GABRB3: variants seen among roughly 807,000 people sequenced by gnomAD.
GABRB3 encodes gamma-aminobutyric acid receptor subunit beta-3.
Under a neutral mutation model 52.1 loss-of-function variants are expected in GABRB3, and 14 were observed. That is an observed-to-expected ratio of 0.27 (90% confidence interval 0.18 to 0.42). The LOEUF (loss-of-function observed/expected upper bound fraction) is 0.42. Ranked by LOEUF, GABRB3 falls within the 10% of genes least tolerant of loss-of-function variation. The pLI, the probability that GABRB3 is intolerant of heterozygous loss-of-function variation, is 1.00. For missense variants in GABRB3, 307 were observed against 609.1 expected, an observed-to-expected ratio of 0.50 and a Z score of 5.22; for synonymous variants, 260 against 232.3, an observed-to-expected ratio of 1.12 and a Z score of -1.08.
chr15:26,625,910 C>T (rs1250936478), intron 3 of GABRB3, among the ~76,000 whole-genome samples: 1 of 152,156 alleles, frequency 6.6e-6, no homozygotes, highest in Non-Finnish European at 1.5e-5. Context: ...TTGCCAGACC[C>T]CCAGGCTGCA....
At chr15:26,650,803 AC>A (rs984985692) in intron 3 of GABRB3, among the ~76,000 whole-genome samples, 1 of 151,934 alleles carries the variant, frequency 6.6e-6, no homozygotes, top group Non-Finnish European at 1.5e-5. Flanking sequence ...GCCTATAAAG[AC>A]CCCAGACTCA....
chr15:26,573,332 T>C (rs1403625088), intron 6 of GABRB3, among the ~76,000 whole-genome samples: 1 of 152,172 alleles, frequency 6.6e-6, no homozygotes, highest in African/African-American at 2.4e-5. Flanking sequence ...GTCATCTTAT[T>C]ATGTGTTGAA....
chr15:26,548,258 A>G lies in GABRB3; in HGVS notation c.1081-124T>C, dbSNP rs1595429206. Reference sequence around the variant, plus strand: ...TTTTACGAGAAACTGTACATCTGTCAAATCCAGCACTCCGTTTTATTGGAA... The same window carrying G: ...TTTTACGAGAAACTGTACATCTGTCGAATCCAGCACTCCGTTTTATTGGAA... On this transcript the variant is annotated intron_variant, in intron 8 of 8. Transcript: ENST00000311550. The G allele has an allele frequency of 1.4e-5, 11 of 807,116 alleles. No homozygotes were observed. The East Asian group carries it at 2.5e-4, about 18-fold the overall frequency. The allele number at this position is 807,116 out of a possible 1,614,324, so 50.0% of individuals were successfully genotyped here.
chr15:26,772,563 C>T, intron 2 of GABRB3, 94 bp from the exon 3 acceptor site: 2 of 1,451,302 alleles, frequency 1.4e-6, no homozygotes, highest in East Asian at 2.6e-5. Flanking sequence ...GGGGCGCGGG[C>T]GAAGGGCCCC....
At chr15:26,713,497 A>G (rs1348851106) in intron 3 of GABRB3, among the ~76,000 whole-genome samples, 1 of 152,052 alleles carries the variant, frequency 6.6e-6, no homozygotes, top group Admixed American at 6.5e-5. Flanking sequence ...TGGGTTCAGG[A>G]GTAAGGAGAG....
chr15:26,716,036 G>C (rs1039609568), intron 3 of GABRB3, among the ~76,000 whole-genome samples: 1 of 152,192 alleles, frequency 6.6e-6, no homozygotes, highest in African/African-American at 2.4e-5. Flanking sequence ...GAGCCATGCA[G>C]GAATTCCCCA....
At chr15:26,629,663 C>G (rs965666477) in intron 3 of GABRB3, among the ~76,000 whole-genome samples, 14 of 152,262 alleles carry the variant, frequency 9.2e-5, no homozygotes, top group African/African-American at 3.1e-4. Flanking sequence ...CACTCCACTT[C>G]TCACATCACC....
intron 3 of GABRB3, chr15:26,624,100 G>C (rs551531941): frequency 1.5e-6 from 1 of 669,780 alleles, no homozygotes; most frequent in South Asian, 6.7e-5. Context: ...AGTGCTGAGT[G>C]GTGGGTAAAG....
chr15:26,654,493 A>G (rs915479371), intron 3 of GABRB3, among the ~76,000 whole-genome samples: 2 of 151,486 alleles, frequency 1.3e-5, no homozygotes, highest in Non-Finnish European at 2.9e-5. Flanking sequence ...AGTAGCTCAC[A>G]CCTGTAATCC....
chr15:26,616,531 T>C (rs565318982), intron 4 of GABRB3, among the ~76,000 whole-genome samples: 1 of 151,862 alleles, frequency 6.6e-6, no homozygotes, highest in African/African-American at 2.4e-5. Context: ...CAGGTCCATA[T>C]AACTCTGAAG....
chr15:26,725,118 T>C (rs1889737197), intron 3 of GABRB3, among the ~76,000 whole-genome samples: 1 of 152,116 alleles, frequency 6.6e-6, no homozygotes, highest in Admixed American at 6.5e-5. Context: ...TCCTTGTACA[T>C]AGCTCATGCT....
chr15:26,596,981 G>A (rs553029315), intron 4 of GABRB3, among the ~76,000 whole-genome samples: 35 of 152,236 alleles, frequency 2.3e-4, no homozygotes, highest in Admixed American at 4.6e-4. Context: ...TACAGCAAGG[G>A]GGGCTGAGCA....
chr15:26,668,858 A>C (rs1159838123), intron 3 of GABRB3, among the ~76,000 whole-genome samples: 3 of 152,218 alleles, frequency 2.0e-5, no homozygotes, highest in Non-Finnish European at 4.4e-5. Flanking sequence ...AAGAAGCATA[A>C]ACAAAGTTTA....
chr15:26,758,841 G>C (rs1282999461), intron 3 of GABRB3, among the ~76,000 whole-genome samples: 1 of 152,106 alleles, frequency 6.6e-6, no homozygotes, highest in African/African-American at 2.4e-5. Flanking sequence ...ATTATGTCAA[G>C]GTGGTAAATT....
chr15:26,624,093 G>T, intron 3 of GABRB3: 1 of 593,652 alleles, frequency 1.7e-6, no homozygotes, highest in Non-Finnish European at 2.1e-6. Flanking sequence ...AGTGGACAGT[G>T]CTGAGTGGTG....
intron 3 of GABRB3, among the ~76,000 whole-genome samples, chr15:26,760,262 T>C (rs188603282): frequency 1.3e-5 from 2 of 152,278 alleles, no homozygotes; most frequent in Admixed American, 6.5e-5. Context: ...CTCCTTATGT[T>C]TCAAACAGCT....
chr15:26,725,855 T>C (rs7171323), intron 3 of GABRB3, among the ~76,000 whole-genome samples: 150,287 of 152,344 alleles, frequency 0.99, 74,154 homozygotes, highest in East Asian at 1. Context: ...TTTGCATATG[T>C]TGAACCATCA....
chr15:26,745,873 A>T (rs1371192901), intron 3 of GABRB3, among the ~76,000 whole-genome samples: 5 of 152,182 alleles, frequency 3.3e-5, no homozygotes, highest in African/African-American at 9.6e-5. Flanking sequence ...GTTTGTTTCC[A>T]GTTTCAGGCT....
At chr15:26,761,174 C>A (rs1890811957) in intron 3 of GABRB3, among the ~76,000 whole-genome samples, 1 of 152,190 alleles carries the variant, frequency 6.6e-6, no homozygotes, top group African/African-American at 2.4e-5. Flanking sequence ...GCAGGCGGAT[C>A]ACCAGGTCAG....
Sources: gnomAD v4.1 joint callset for allele counts (sites outside exome capture counted in the v4.1 genomes callset) on GRCh38, gnomAD v4.1.1 for gene constraint, MANE v1.5 for transcripts, NCBI Gene and HGNC (gene_info 2026-07-23, HGNC 2026-07-21) for gene names.